Variants in DPP10 observed in about 807,000 individuals in gnomAD.
The protein encoded by DPP10 is dipeptidyl peptidase like 10.
A neutral mutation model predicts 120.9 loss-of-function variants in DPP10; 33 were observed. The observed-to-expected ratio is 0.27, with a 90% CI of 0.21 to 0.37. The LOEUF (loss-of-function observed/expected upper bound fraction) is 0.37. Ranked by LOEUF, DPP10 falls within the 10% of genes least tolerant of loss-of-function variation. DPP10 has a pLI of 1.00. For synonymous variants in DPP10, 337 were observed against 326.1 expected, an observed-to-expected ratio of 1.03 and a Z score of -0.36; for missense variants, 816 against 942.8, an observed-to-expected ratio of 0.87 and a Z score of 1.76.
intron 1 of DPP10, among the ~76,000 whole-genome samples, chr2:114,546,241 G>A (rs1033367180): frequency 1.3e-5 from 2 of 152,132 alleles, no homozygotes; most frequent in Admixed American, 1.3e-4. Flanking sequence ...CTTCTGGGGA[G>A]GTCTCAGAAA....
At chr2:114,598,249 G>A (rs1692086086) in intron 1 of DPP10, among the ~76,000 whole-genome samples, 1 of 151,930 alleles carries the variant, frequency 6.6e-6, no homozygotes, top group Admixed American at 6.6e-5. Flanking sequence ...TTAATATCAA[G>A]AGAAGGAGAC....
intron 1 of DPP10, among the ~76,000 whole-genome samples, chr2:115,141,640 G>A (rs917964244): frequency 2.0e-5 from 3 of 152,116 alleles, no homozygotes; most frequent in African/African-American, 7.2e-5. Flanking sequence ...TATTAAATTC[G>A]GAAAAGAAAT....
intron 3 of DPP10, among the ~76,000 whole-genome samples, chr2:115,438,116 G>A (rs2071668847): frequency 6.6e-6 from 1 of 151,898 alleles, no homozygotes; most frequent in South Asian, 2.1e-4. Flanking sequence ...AATGGTGAGA[G>A]TAAGCACGTG....
At chr2:114,827,540 T>A (rs2106381441) in intron 1 of DPP10, among the ~76,000 whole-genome samples, 1 of 152,314 alleles carries the variant, frequency 6.6e-6, no homozygotes, top group African/African-American at 2.4e-5. Context: ...ATGGCATATA[T>A]GTTTACGGTA....
At chr2:115,573,598 T>G in intron 5 of DPP10, among the ~76,000 whole-genome samples, 1 of 140,234 alleles carries the variant, frequency 7.1e-6, no homozygotes, top group Non-Finnish European at 1.6e-5. Context: ...TTTTTTTTTT[T>G]TTTTTTTGAG....
chr2:115,672,246 G>T (rs180722228), intron 5 of DPP10, among the ~76,000 whole-genome samples: 1 of 152,082 alleles, frequency 6.6e-6, no homozygotes, highest in Non-Finnish European at 1.5e-5. Flanking sequence ...ATGTTGGTTG[G>T]TTGGCTGGTT....
At chr2:115,200,074 C>A (rs928163356) in intron 1 of DPP10, among the ~76,000 whole-genome samples, 2 of 152,108 alleles carry the variant, frequency 1.3e-5, no homozygotes, top group Admixed American at 6.6e-5. Flanking sequence ...TCTGTGCATC[C>A]GTTGTTGCAT....
intron 1 of DPP10, among the ~76,000 whole-genome samples, chr2:114,556,939 A>G (rs1039371123): frequency 1.3e-5 from 2 of 151,588 alleles, no homozygotes; most frequent in Non-Finnish European, 2.9e-5. Flanking sequence ...ACCAAAACCA[A>G]CTGGAGTGGG....
At chr2:114,455,156 TTGTGTGTG>T (rs141717813) in intron 1 of DPP10, among the ~76,000 whole-genome samples, 1 of 147,390 alleles carries the variant, frequency 6.8e-6, no homozygotes, top group Non-Finnish European at 1.5e-5. Flanking sequence ...TTTCTTTCTA[TTGTGTGTG>T]TGTGTGTGTG....
At chr2:115,403,884 G>C (rs902309565) in intron 3 of DPP10, among the ~76,000 whole-genome samples, 2 of 152,108 alleles carry the variant, frequency 1.3e-5, no homozygotes, top group African/African-American at 4.8e-5. Flanking sequence ...ACTGATCAAT[G>C]AATGCACTAG....
intron 1 of DPP10, among the ~76,000 whole-genome samples, chr2:114,443,398 G>A (rs1677767367): frequency 6.6e-6 from 1 of 152,138 alleles, no homozygotes; most frequent in South Asian, 2.1e-4. Flanking sequence ...CAAAACCAGT[G>A]AGATGATTGG....
intron 3 of DPP10, among the ~76,000 whole-genome samples, chr2:115,430,019 G>A (rs940650895): frequency 2.0e-5 from 3 of 152,196 alleles, no homozygotes; most frequent in African/African-American, 7.2e-5. Context: ...TGGAAAAAGA[G>A]CAGGGACACA....
At chr2:115,526,040 A>G in intron 5 of DPP10, 68 bp downstream of exon 5, 1 of 1,369,796 alleles carries the variant, frequency 7.3e-7, no homozygotes. Context: ...GCATAATTTT[A>G]CTCAGCTATA....
intron 1 of DPP10, among the ~76,000 whole-genome samples, chr2:115,191,040 A>T (rs937692751): frequency 2.0e-5 from 3 of 152,130 alleles, no homozygotes; most frequent in African/African-American, 7.2e-5. Flanking sequence ...ATTTCAAAGG[A>T]TCCTATGGGG....
chr2:114,910,259 TA>T (rs1346213693), intron 1 of DPP10, among the ~76,000 whole-genome samples: 1 of 152,004 alleles, frequency 6.6e-6, no homozygotes, highest in Non-Finnish European at 1.5e-5. Context: ...ATCCAAAGGT[TA>T]TTTTATTTCT....
At chr2:114,643,996 A>G (rs1171850411) in intron 1 of DPP10, among the ~76,000 whole-genome samples, 2 of 144,508 alleles carry the variant, frequency 1.4e-5, no homozygotes, top group African/African-American at 5.2e-5. Flanking sequence ...GTGCAGTGGC[A>G]TGATCTCGGC....
intron 1 of DPP10, among the ~76,000 whole-genome samples, chr2:114,666,986 A>G (rs1233624227): frequency 6.6e-6 from 1 of 152,228 alleles, no homozygotes; most frequent in African/African-American, 2.4e-5. Flanking sequence ...AGGGACAGAT[A>G]GTAATTTGTT....
intron 3 of DPP10, among the ~76,000 whole-genome samples, chr2:115,493,285 A>G (rs899030676): frequency 3.3e-5 from 5 of 151,988 alleles, no homozygotes; most frequent in African/African-American, 4.8e-5. Flanking sequence ...GATACAGGAA[A>G]GGTGTAACCA....
chr2:114,886,509 A>C (rs556248851), intron 1 of DPP10, among the ~76,000 whole-genome samples: 1 of 152,348 alleles, frequency 6.6e-6, no homozygotes, highest in Non-Finnish European at 1.5e-5. Flanking sequence ...TCTATGCAGC[A>C]GCTAATATAG....
Sources: allele counts gnomAD v4.1 joint callset (sites outside exome capture counted in the v4.1 genomes callset), GRCh38; gene constraint gnomAD v4.1.1; transcripts MANE v1.5; gene names NCBI Gene and HGNC (gene_info 2026-07-23, HGNC 2026-07-21).